FAM117B: variants seen among roughly 807,000 people sequenced by gnomAD.
FAM117B encodes family with sequence similarity 117 member B.
In FAM117B, 22 loss-of-function variants were observed where a neutral mutation model predicts 52.8. That is an observed-to-expected ratio of 0.42 (90% CI 0.30 to 0.59). The LOEUF (loss-of-function observed/expected upper bound fraction) is 0.59. FAM117B is among the 20% of genes least tolerant of loss of function. The probability of loss-of-function intolerance (pLI) is 0.22; values close to 1 mark genes in which losing one functional copy is unlikely to be tolerated. For missense variants in FAM117B, 678 were observed against 802.6 expected (o/e 0.84, Z 1.88); for synonymous variants, 309 against 324.1 (o/e 0.95, Z 0.50).
chr2:202,650,648 G>T (rs896744142), intron 1 of FAM117B, among the ~76,000 whole-genome samples: 4 of 152,208 alleles, frequency 2.6e-5, no homozygotes, highest in Non-Finnish European at 5.9e-5. Context: ...TAGGGAAGCC[G>T]ACAGTGCAGC....
At chr2:202,681,789 G>A (rs1212766522) in intron 1 of FAM117B, among the ~76,000 whole-genome samples, 2 of 152,268 alleles carry the variant, frequency 1.3e-5, no homozygotes, top group African/African-American at 2.4e-5. Context: ...ATTCTGGGCA[G>A]AAGAGGGTGA....
intron 4 of FAM117B, among the ~76,000 whole-genome samples, chr2:202,749,894 A>G (rs1182509481): frequency 6.6e-6 from 1 of 152,190 alleles, no homozygotes; most frequent in African/African-American, 2.4e-5. Flanking sequence ...ATGTTTAAGT[A>G]TGTTCTTAAG....
At chr2:202,707,993 C>T (rs191681869) in intron 2 of FAM117B, among the ~76,000 whole-genome samples, 2 of 152,232 alleles carry the variant, frequency 1.3e-5, no homozygotes, top group African/African-American at 2.4e-5. Flanking sequence ...TGGTCTCGAA[C>T]TCCTGACCTC....
At chr2:202,667,098 T>C (rs1352270098) in intron 1 of FAM117B, among the ~76,000 whole-genome samples, 2 of 151,988 alleles carry the variant, frequency 1.3e-5, no homozygotes, top group Admixed American at 6.5e-5. Flanking sequence ...TGAGTTACTT[T>C]AGTAAATTTT....
rs1219743876 is a variant in FAM117B, at chr2:202,644,053, G to GTTTTTTT, written c.601+8269_601+8275dup. 1.6e-3 allele frequency among the ~76,000 whole-genome samples: 97 copies of GTTTTTTT among 60,094 alleles called. 6 individuals are homozygous for GTTTTTTT. Among genetic ancestry groups the GTTTTTTT allele is most frequent in the African/African-American group, 6.0e-3 (75 of 12,524 alleles). The allele number at this position is 60,094 out of a possible 152,430, so 39.4% of individuals were successfully genotyped here. On this transcript the variant is annotated intron_variant, in intron 1 of 7. Coordinates refer to ENST00000392238, the MANE Select transcript of FAM117B (RefSeq NM_173511.4). Reference sequence around the variant, plus strand: ...ATGCTATACTACTGCTTTAGGAGCTGTTTTTTTTTTGTTTTTTTTTTTTTT... The same window carrying GTTTTTTT: ...ATGCTATACTACTGCTTTAGGAGCTGTTTTTTTTTTTTTTTTTGTTTTTTTTTTTTTT...
intron 6 of FAM117B, 73 bp from the exon 7 acceptor site, chr2:202,759,160 G>A: frequency 2.6e-6 from 4 of 1,540,748 alleles, no homozygotes; most frequent in Non-Finnish European, 3.5e-6. Flanking sequence ...GTTCATGGTG[G>A]GCTAGTCCAA....
chr2:202,671,115 C>G (rs994756582), intron 1 of FAM117B, among the ~76,000 whole-genome samples: 3 of 152,164 alleles, frequency 2.0e-5, no homozygotes, highest in African/African-American at 7.2e-5. Context: ...ACATAATTCA[C>G]TGTATTGACA....
chr2:202,666,291 A>G (rs1574547487), intron 1 of FAM117B, among the ~76,000 whole-genome samples: 2 of 152,058 alleles, frequency 1.3e-5, no homozygotes. Flanking sequence ...AAAAAAATAG[A>G]AACAGTTTAC....
chr2:202,689,782 G>A (rs1453502971), intron 1 of FAM117B, among the ~76,000 whole-genome samples: 1 of 152,038 alleles, frequency 6.6e-6, no homozygotes, highest in East Asian at 1.9e-4. Context: ...ACTGGGTGTA[G>A]TGGTGCGTGC....
intron 1 of FAM117B, among the ~76,000 whole-genome samples, chr2:202,655,922 T>A (rs1163088272): frequency 6.6e-6 from 1 of 152,144 alleles, no homozygotes. Flanking sequence ...TAACTATAAA[T>A]TCAGCTTATT....
At chr2:202,639,607 A>G (rs1460372764) in intron 1 of FAM117B, among the ~76,000 whole-genome samples, 1 of 152,234 alleles carries the variant, frequency 6.6e-6, no homozygotes, top group African/African-American at 2.4e-5. Flanking sequence ...TGAGGAGGAT[A>G]TACTTTGGGT....
rs1489621417 is a variant in FAM117B at position 202,757,397 on chromosome 2, C to G, written c.1289C>G (p.Pro430Arg). 2 of 1,613,936 alleles carry G rather than the reference C, an allele frequency of 1.2e-6. No homozygotes were observed. The highest frequency in any genetic ancestry group is 2.7e-5 in the African/African-American group (2 of 74,874). ...TISNEGSEES[P>R]CSADDLLVDP... ...TCCAATGAAGGTAGCGAGGAGAGTC[C>G]TTGCTCAGCGGATGACCTGCTTGTT... is the stretch of plus-strand genomic sequence containing the variant. The change falls in exon 6 of 8, where the codon CCT becomes CGT. Residue 430 changes from proline to arginine, a missense_variant. Pro to Arg is a moderately radical substitution (Grantham distance 103, BLOSUM62 -2). Coordinates refer to ENST00000392238, the MANE Select transcript of FAM117B (RefSeq NM_173511.4).
chr2:202,729,103 T>C (rs892547175), intron 4 of FAM117B, among the ~76,000 whole-genome samples: 1 of 152,152 alleles, frequency 6.6e-6, no homozygotes, highest in Non-Finnish European at 1.5e-5. Context: ...TTTGGAAGGC[T>C]AAGGTGGGTG....
intron 1 of FAM117B, among the ~76,000 whole-genome samples, chr2:202,669,346 G>A (rs1472377164): frequency 2.6e-5 from 4 of 152,154 alleles, no homozygotes; most frequent in Non-Finnish European, 5.9e-5. Flanking sequence ...TGGTATCAGT[G>A]TGGGTGGGGC....
intron 4 of FAM117B, among the ~76,000 whole-genome samples, chr2:202,752,482 T>G (rs1385171558): frequency 4.0e-5 from 6 of 151,554 alleles, no homozygotes; most frequent in Non-Finnish European, 7.4e-5. Flanking sequence ...GATTTAACAC[T>G]AAGTTCTGTA....
Position 202,635,222 on chromosome 2 carries a change from C to T in FAM117B, c.35C>T (p.Thr12Met), listed in dbSNP as rs1370322289. Residue 12 changes from threonine to methionine, a missense_variant, in exon 1 of 8, where the codon ACG (threonine) becomes ATG (methionine). Thr to Met is a moderately conservative substitution (Grantham distance 81). This residue lies in a region of FAM117B where 583 missense variants were observed against 644.8 expected (regional missense o/e 0.90). Coordinates refer to ENST00000392238, the MANE Select transcript of FAM117B (RefSeq NM_173511.4). ...CGGGTGAGGCGCAATGGGTCCCCCA[C>T]GCCGGCCGGCTCCCTTGGGGGTGGT... ...SQRVRRNGSPTPAGSLGGGAV... is the reference protein window; with the variant it reads ...SQRVRRNGSPMPAGSLGGGAV... The T allele has an allele frequency of 1.5e-6, 2 of 1,304,104 alleles. No homozygotes were observed. Among genetic ancestry groups the T allele is most frequent in the South Asian group, 2.1e-5 (1 of 46,598 alleles). The allele number at this position is 1,304,104 out of a possible 1,614,324, so 80.8% of individuals were successfully genotyped here.
chr2:202,730,381 G>GA (rs1170547752), intron 4 of FAM117B, among the ~76,000 whole-genome samples: 2 of 152,208 alleles, frequency 1.3e-5, no homozygotes, highest in African/African-American at 4.8e-5. Flanking sequence ...TTTAAAATAT[G>GA]ATTTAAGGCC....
chr2:202,680,634 CA>C (rs957725764), intron 1 of FAM117B, among the ~76,000 whole-genome samples: 13 of 150,840 alleles, frequency 8.6e-5, no homozygotes, highest in African/African-American at 1.5e-4. Flanking sequence ...GAGAAACAGC[CA>C]AAAAAAAGGG....
chr2:202,731,368 T>TATATATATATATATA (rs780138718), intron 4 of FAM117B, among the ~76,000 whole-genome samples: 19 of 95,832 alleles, frequency 2.0e-4, no homozygotes, highest in South Asian at 9.5e-4. Context: ...TATATATATA[T>TATATATATATATATA]GGAGAGAGAG....
Sources: gnomAD v4.1 joint callset for allele counts (sites outside exome capture counted in the v4.1 genomes callset) on GRCh38, gnomAD v4.1.1 for gene constraint, gnomAD v4.1.1 regional missense constraint, MANE v1.5 for transcripts, NCBI Gene and HGNC (gene_info 2026-07-23, HGNC 2026-07-21) for gene names.